CDADC1: variants seen among roughly 807,000 people sequenced by gnomAD.
The protein encoded by CDADC1 is cytidine and dCMP deaminase domain containing 1, also known as dCTP deaminase.
CDADC1 carries 39 observed loss-of-function variants against 54.9 expected under a neutral mutation model. The ratio of observed to expected loss-of-function variants is 0.71; its 90% CI spans 0.55 to 0.93. The LOEUF (loss-of-function observed/expected upper bound fraction) is 0.93, where lower values mean the gene tolerates loss of function less well. Ranked by LOEUF, CDADC1 falls within the 40% of genes least tolerant of loss-of-function variation. The pLI is 0.00. For synonymous variants in CDADC1, 186 were observed against 204.0 expected (o/e 0.91, Z 0.75); for missense variants, 518 against 618.8 (o/e 0.84, Z 1.73).
chr13:49,275,722 TATATAGAGAGAGAGAGAGAGAGAGAGAG>T (rs1566370075), intron 6 of CDADC1, among the ~76,000 whole-genome samples: 55 of 19,190 alleles, frequency 2.9e-3, no homozygotes, highest in Admixed American at 4.3e-3. Context: ...TATATATATA[TATATAGAGAGAGAGAGAGAGAGAGAGAG>T]AGAGAGAGAG....
At chr13:49,279,249 C>T (rs548810861) in intron 7 of CDADC1, among the ~76,000 whole-genome samples, 1 of 152,260 alleles carries the variant, frequency 6.6e-6, no homozygotes, top group Admixed American at 6.5e-5. Flanking sequence ...GCATCCACCT[C>T]GTGCTGTGGA....
At chr13:49,268,133 T>A in intron 5 of CDADC1, 74 bp downstream of exon 5, 1 of 1,193,612 alleles carries the variant, frequency 8.4e-7, no homozygotes, top group South Asian at 1.4e-5. Flanking sequence ...GTCTCATTTA[T>A]GGTAGAGTTC....
rs1566379041 is a variant in CDADC1 at position 49,286,289 on chromosome 13, A to G, written c.1471+7A>G. ...GAGCCTGAAAGGAGAGAAAGTAAGT[A>G]TTTATGTATTGAGGTGAACTTTGTT... On this transcript the variant is annotated splice_region_variant and intron_variant, in intron 9 of 9. Coordinates refer to ENST00000251108, the MANE Select transcript of CDADC1 (RefSeq NM_030911.4). 6.2e-7 allele frequency: 1 copy of G among 1,604,208 alleles called. No homozygotes were observed. Among genetic ancestry groups the G allele is most frequent in the Non-Finnish European group, 8.5e-7 (1 of 1,170,952 alleles).
chr13:49,248,452 A>T (rs1002901712), intron 1 of CDADC1: 1 of 352,104 alleles, frequency 2.8e-6, no homozygotes, highest in East Asian at 4.8e-5. Context: ...CTGTATTTCG[A>T]CTGCTTTACC....
intron 9 of CDADC1, 112 bp from the exon 10 acceptor site, chr13:49,291,571 TG>T: frequency 1.1e-6 from 1 of 880,368 alleles, no homozygotes. Flanking sequence ...TAAAATAAAG[TG>T]AAAGTTCCTT....
chr13:49,290,254 T>G (rs1412612580), intron 9 of CDADC1, among the ~76,000 whole-genome samples: 3 of 151,890 alleles, frequency 2.0e-5, no homozygotes, highest in Non-Finnish European at 4.4e-5. Flanking sequence ...GTTTTGTTTT[T>G]TTTCCATCTC....
At position 49,251,132 on chromosome 13, in the gene CDADC1, G is replaced by A. The variant is rs761457191; in HGVS notation, c.177+2167G>A. ...TTTAGAGGTTTAAGACTTTTAGGCC[G>A]GGTGCAGTGGCTCATGCCTGTAATC... is the stretch of plus-strand genomic sequence containing the variant. On this transcript the variant is annotated intron_variant, in intron 2 of 9. Transcript: ENST00000251108. Among the ~76,000 whole-genome samples the A allele has an allele frequency of 7.9e-5, 12 of 152,018 alleles. No homozygotes were observed. In the East Asian group the frequency reaches 9.6e-4, roughly 12 times the overall value.
chr13:49,275,157 C>T (rs1188169396), intron 6 of CDADC1, among the ~76,000 whole-genome samples: 1 of 150,148 alleles, frequency 6.7e-6, no homozygotes, highest in African/African-American at 2.5e-5. Flanking sequence ...GCAATCTTGG[C>T]TCACTGCAAC....
chr13:49,249,895 C>T (rs1374825887), intron 2 of CDADC1, among the ~76,000 whole-genome samples: 1 of 152,144 alleles, frequency 6.6e-6, no homozygotes, highest in Non-Finnish European at 1.5e-5. Flanking sequence ...GCTAGGTTCT[C>T]ATCATTTCTG....
rs780693268 is a variant in CDADC1 at position 49,267,745 on chromosome 13, A to G, written c.686A>G (p.Tyr229Cys). Residue 229 changes from tyrosine (Y) to cysteine (C), a missense_variant, in exon 5 of 10, where the codon TAT (tyrosine) becomes TGT (cysteine). Transcript: ENST00000251108. ...CCGGATGCTAACACTGACTTTTATT[A>G]TGAATGTAAACAAGAAAGAATAAAA... ...TLPDANTDFY[Y>C]ECKQERIKEY... 3 of 1,610,626 alleles carry G rather than the reference A, an allele frequency of 1.9e-6. No homozygotes were observed. Among genetic ancestry groups the G allele is most frequent in the Non-Finnish European group, 2.5e-6 (3 of 1,178,606 alleles).
At chr13:49,261,736 G>C (rs1403722487) in intron 4 of CDADC1, among the ~76,000 whole-genome samples, 1 of 152,224 alleles carries the variant, frequency 6.6e-6, no homozygotes, top group Non-Finnish European at 1.5e-5. Flanking sequence ...AGATAGTTGT[G>C]CTTTGTGCTG....
Position 49,252,325 on chromosome 13 carries a change from A to G in CDADC1, c.177+3360A>G, listed in dbSNP as rs573326512. On this transcript the variant is annotated intron_variant, in intron 2 of 9. Transcript: ENST00000251108. ...AAGGCACTTGGGGAGGGAGAGCCTCAGGATTACTCTGGCAGTGATCTGGGT... is the reference window on the plus strand; with the variant it reads ...AAGGCACTTGGGGAGGGAGAGCCTCGGGATTACTCTGGCAGTGATCTGGGT... 3.9e-5 allele frequency among the ~76,000 whole-genome samples: 6 copies of G among 152,334 alleles called. No homozygotes were observed. In the South Asian group the frequency reaches 1.0e-3, roughly 26 times the overall value.
rs1268317616 is a variant in CDADC1, at chr13:49,248,129, C to G, written c.82+10C>G. 1 of 1,548,306 alleles carries G rather than the reference C, an allele frequency of 6.5e-7. No individual in the cohort carries two copies. The highest frequency in any genetic ancestry group is 1.4e-5 in the African/African-American group (1 of 73,098). On this transcript the variant is annotated intron_variant, in intron 1 of 9. Transcript: ENST00000251108. ...ACTGGCAGCATGACCGGTGAGTGTC[C>G]GGGACCCTGCTCCCGCCACCCTACC...
intron 4 of CDADC1, chr13:49,266,000 T>C: frequency 2.4e-6 from 3 of 1,261,584 alleles, no homozygotes; most frequent in Non-Finnish European, 3.1e-6. Context: ...CACTCTGATA[T>C]GAGGTTTGAG....
chr13:49,254,451 G>A (rs1025877497), intron 2 of CDADC1, among the ~76,000 whole-genome samples: 37 of 150,352 alleles, frequency 2.5e-4, no homozygotes, highest in Non-Finnish European at 5.0e-4. Context: ...TGCCCAGGCT[G>A]GAGTGCAGTG....
intron 3 of CDADC1, 105 bp downstream of exon 3, chr13:49,256,018 T>A (rs1593793155): frequency 5.6e-6 from 8 of 1,434,344 alleles, no homozygotes; most frequent in Admixed American, 2.7e-5. Context: ...AGGGAGTTTT[T>A]AAAATACTCT....
chr13:49,263,608 A>T (rs896318979), intron 4 of CDADC1, among the ~76,000 whole-genome samples: 2 of 152,232 alleles, frequency 1.3e-5, no homozygotes, highest in Admixed American at 1.3e-4. Flanking sequence ...AGTATCTGAA[A>T]TGGCTGTTAA....
At chr13:49,254,291 A>G (rs754975555) in intron 2 of CDADC1, among the ~76,000 whole-genome samples, 18 of 151,966 alleles carry the variant, frequency 1.2e-4, no homozygotes, top group Admixed American at 8.5e-4. Flanking sequence ...CTTCTTTTTG[A>G]TGGTTCTTTC....
chr13:49,292,195 A>G lies in CDADC1; in HGVS notation c.*438A>G. The G allele has an allele frequency of 4.0e-6, 4 of 997,810 alleles. No individual in the cohort carries two copies. The highest frequency in any genetic ancestry group is 4.8e-6 in the Non-Finnish European group (4 of 835,316). The allele number at this position is 997,810 out of a possible 1,614,324, so 61.8% of individuals were successfully genotyped here. On this transcript the variant is annotated 3_prime_UTR_variant, in exon 10 of 10. Coordinates refer to ENST00000251108, the MANE Select transcript of CDADC1 (RefSeq NM_030911.4). Reference sequence around the variant, plus strand: ...CCAGGGAAATAAGTGTCATCTTTTAAGAGTCAGTGTATAGCAAACCAAAAG... The same window carrying G: ...CCAGGGAAATAAGTGTCATCTTTTAGGAGTCAGTGTATAGCAAACCAAAAG...
Sources: allele counts gnomAD v4.1 joint callset (sites outside exome capture counted in the v4.1 genomes callset), GRCh38; gene constraint gnomAD v4.1.1; transcripts MANE v1.5; gene names NCBI Gene and HGNC (gene_info 2026-07-23, HGNC 2026-07-21).